IMMP2L: variants seen among roughly 807,000 people sequenced by gnomAD.
IMMP2L encodes the protein inner mitochondrial membrane peptidase subunit 2.
Under a neutral mutation model 19.3 loss-of-function variants are expected in IMMP2L, and 18 were observed. That is an observed-to-expected ratio of 0.93 (90% CI 0.64 to 1.38). IMMP2L has a LOEUF of 1.38. Among genes scored for constraint, IMMP2L ranks in the 40% most tolerant of loss-of-function variants. IMMP2L has a pLI of 0.00. For synonymous variants in IMMP2L, 76 were observed against 73.0 expected (o/e 1.04, Z -0.21); for missense variants, 233 against 218.2 (o/e 1.07, Z -0.43).
chr7:111,379,557 C>A lies in IMMP2L; in HGVS notation c.239+107681G>T, dbSNP rs553655858. On this transcript the variant is annotated intron_variant, in intron 3 of 5. Transcript: ENST00000405709. Reference sequence around the variant, plus strand: ...ACTGAGCCAAAGAATAATCATAATTCCCTTATCAAGTGAATATAGTGGAAA... The same window carrying A: ...ACTGAGCCAAAGAATAATCATAATTACCTTATCAAGTGAATATAGTGGAAA... 4.6e-5 allele frequency among the ~76,000 whole-genome samples: 7 copies of A among 151,768 alleles called. No individual in the cohort carries two copies. In the East Asian group the frequency reaches 1.4e-3, roughly 29 times the overall value.
chr7:111,353,345 C>T (rs1185217013), intron 3 of IMMP2L, among the ~76,000 whole-genome samples: 1 of 152,184 alleles, frequency 6.6e-6, no homozygotes, highest in Non-Finnish European at 1.5e-5. Flanking sequence ...TTTCAACTCC[C>T]CTTCTAACCA....
intron 5 of IMMP2L, among the ~76,000 whole-genome samples, chr7:110,820,799 C>T (rs901795763): frequency 6.6e-5 from 10 of 152,054 alleles, no homozygotes; most frequent in Admixed American, 5.9e-4. Flanking sequence ...GTACACCGAA[C>T]TAAGAAGTGT....
At chr7:110,949,150 G>C (rs1459402016) in intron 4 of IMMP2L, among the ~76,000 whole-genome samples, 1 of 152,090 alleles carries the variant, frequency 6.6e-6, no homozygotes, top group Non-Finnish European at 1.5e-5. Flanking sequence ...GCAGTTCTCA[G>C]CCTCCATAAT....
intron 5 of IMMP2L, among the ~76,000 whole-genome samples, chr7:110,841,175 T>G (rs1389147945): frequency 1.3e-5 from 2 of 152,028 alleles, no homozygotes; most frequent in Admixed American, 1.3e-4. Context: ...TCCTTTTTTA[T>G]TGTATACATT....
At chr7:110,886,524 T>G (rs1371911217) in intron 5 of IMMP2L, 69 bp downstream of exon 5, 1 of 841,798 alleles carries the variant, frequency 1.2e-6, no homozygotes, top group African/African-American at 1.7e-5. Context: ...CTGAATAACC[T>G]ATCTGACATA....
At chr7:111,042,386 G>C (rs543428177) in intron 3 of IMMP2L, among the ~76,000 whole-genome samples, 2 of 152,266 alleles carry the variant, frequency 1.3e-5, no homozygotes, top group Admixed American at 6.5e-5. Flanking sequence ...CACCATGTTT[G>C]GCCAGACTGG....
intron 5 of IMMP2L, among the ~76,000 whole-genome samples, chr7:110,673,179 G>A (rs1347369548): frequency 6.6e-6 from 1 of 152,198 alleles, no homozygotes; most frequent in African/African-American, 2.4e-5. Flanking sequence ...GCATCTGCAG[G>A]CCCAACCACA....
chr7:111,287,757 C>A (rs370188985), intron 3 of IMMP2L, among the ~76,000 whole-genome samples: 24 of 152,122 alleles, frequency 1.6e-4, no homozygotes, highest in African/African-American at 5.8e-4. Context: ...TTACAGAGAA[C>A]TAGAAATGTA....
chr7:111,136,905 A>T (rs571582427), intron 3 of IMMP2L, among the ~76,000 whole-genome samples: 1 of 152,330 alleles, frequency 6.6e-6, no homozygotes, highest in East Asian at 1.9e-4. Flanking sequence ...ACTTTAAGGA[A>T]CATCACTAGC....
chr7:111,396,911 C>T (rs1832928344), intron 3 of IMMP2L, among the ~76,000 whole-genome samples: 1 of 151,888 alleles, frequency 6.6e-6, no homozygotes, highest in South Asian at 2.1e-4. Flanking sequence ...GGTGAAACCC[C>T]ATCTCTACTA....
At chr7:111,303,754 C>T (rs1418077925) in intron 3 of IMMP2L, among the ~76,000 whole-genome samples, 1 of 151,920 alleles carries the variant, frequency 6.6e-6, no homozygotes, top group African/African-American at 2.4e-5. Context: ...AAAAAGGAAA[C>T]ACAAAAATCA....
chr7:111,340,806 T>C (rs774991075), intron 3 of IMMP2L, among the ~76,000 whole-genome samples: 3 of 152,064 alleles, frequency 2.0e-5, no homozygotes, highest in African/African-American at 4.8e-5. Flanking sequence ...ACCTGCACAA[T>C]GGTCAGTGAA....
intron 3 of IMMP2L, among the ~76,000 whole-genome samples, chr7:111,037,586 T>C (rs1159907906): frequency 6.6e-6 from 1 of 152,148 alleles, no homozygotes; most frequent in Non-Finnish European, 1.5e-5. Context: ...GGGTCTTTTA[T>C]TGCCCAGCAA....
chr7:110,885,422 T>G (rs1810119722), intron 5 of IMMP2L, among the ~76,000 whole-genome samples: 1 of 151,830 alleles, frequency 6.6e-6, no homozygotes, highest in Non-Finnish European at 1.5e-5. Context: ...ATCCAAGCTT[T>G]TAAACACACT....
At chr7:110,986,106 G>A (rs768823004) in intron 3 of IMMP2L, among the ~76,000 whole-genome samples, 44 of 152,190 alleles carry the variant, frequency 2.9e-4, no homozygotes, top group African/African-American at 1.9e-4. Flanking sequence ...ATAGATGTGC[G>A]TTGGCAAATC....
intron 3 of IMMP2L, among the ~76,000 whole-genome samples, chr7:111,417,135 G>A (rs1835024697): frequency 6.6e-6 from 1 of 151,720 alleles, no homozygotes; most frequent in Non-Finnish European, 1.5e-5. Context: ...ACAGAGTTGA[G>A]TTTACCATAA....
At chr7:110,918,287 T>C (rs1813843940) in intron 4 of IMMP2L, among the ~76,000 whole-genome samples, 1 of 152,134 alleles carries the variant, frequency 6.6e-6, no homozygotes, top group Admixed American at 6.6e-5. Context: ...TTGTTTTAAG[T>C]AATTTGCATT....
At chr7:110,939,633 T>C (rs1816514073) in intron 4 of IMMP2L, among the ~76,000 whole-genome samples, 1 of 152,106 alleles carries the variant, frequency 6.6e-6, no homozygotes, top group Admixed American at 6.6e-5. Flanking sequence ...TGTCTCCCTG[T>C]TTATGGAAGA....
At chr7:111,548,914 A>C (rs1849193371) in intron 1 of IMMP2L, among the ~76,000 whole-genome samples, 1 of 152,190 alleles carries the variant, frequency 6.6e-6, no homozygotes, top group South Asian at 2.1e-4. Flanking sequence ...TGTGTCTCTG[A>C]CACTATCCAA....
Sources: gnomAD v4.1 joint callset for allele counts (sites outside exome capture counted in the v4.1 genomes callset) on GRCh38, gnomAD v4.1.1 for gene constraint, MANE v1.5 for transcripts, NCBI Gene and HGNC (gene_info 2026-07-23, HGNC 2026-07-21) for gene names.